PLXDC2: variants seen among roughly 807,000 people sequenced by gnomAD.
The protein encoded by PLXDC2 is plexin domain containing 2, also known as plexin domain-containing protein 2.
A neutral mutation model predicts 68.9 loss-of-function variants in PLXDC2; 40 were observed. The ratio of observed to expected loss-of-function variants is 0.58; its 90% CI spans 0.45 to 0.76. The LOEUF is 0.76. Ranked by LOEUF, PLXDC2 falls within the 30% of genes least tolerant of loss-of-function variation. PLXDC2 has a pLI of 0.00. For synonymous variants in PLXDC2, 243 were observed against 234.2 expected, an observed-to-expected ratio of 1.04 and a Z score of -0.34; for missense variants, 644 against 661.9, an observed-to-expected ratio of 0.97 and a Z score of 0.30.
chr10:20,264,024 T>C (rs2778969), intron 13 of PLXDC2, among the ~76,000 whole-genome samples: 130,117 of 152,140 alleles, frequency 0.86, 56,108 homozygotes, highest in Middle Eastern at 0.94. Flanking sequence ...CAAATGTTCA[T>C]TGCAGCACTG....
intron 4 of PLXDC2, among the ~76,000 whole-genome samples, chr10:20,078,227 T>A (rs1263297214): frequency 6.6e-6 from 1 of 151,354 alleles, no homozygotes; most frequent in Non-Finnish European, 1.5e-5. Flanking sequence ...AAAAAAAAAA[T>A]TAAAAATTAG....
chr10:20,119,726 C>T (rs1019824402), intron 4 of PLXDC2, among the ~76,000 whole-genome samples: 5 of 151,716 alleles, frequency 3.3e-5, no homozygotes, highest in African/African-American at 9.7e-5. Flanking sequence ...CTGCTTCGAG[C>T]GGGATTAGGG....
chr10:19,876,926 A>G (rs1837643317), intron 1 of PLXDC2, among the ~76,000 whole-genome samples: 1 of 152,220 alleles, frequency 6.6e-6, no homozygotes, highest in Non-Finnish European at 1.5e-5. Context: ...AAAAACTCGT[A>G]CAAAAACGTA....
chr10:20,257,869 T>C (rs1835761388), intron 13 of PLXDC2, among the ~76,000 whole-genome samples: 1 of 152,096 alleles, frequency 6.6e-6, no homozygotes. Flanking sequence ...CTAACAAATT[T>C]CTTAAATTTT....
chr10:20,193,804 C>T (rs553664277), intron 9 of PLXDC2, among the ~76,000 whole-genome samples: 1 of 152,040 alleles, frequency 6.6e-6, no homozygotes, highest in African/African-American at 2.4e-5. Context: ...TTTGTGCTGT[C>T]TTTAATAAGA....
intron 4 of PLXDC2, among the ~76,000 whole-genome samples, chr10:20,132,309 G>A (rs1306985389): frequency 6.6e-6 from 1 of 152,140 alleles, no homozygotes; most frequent in Non-Finnish European, 1.5e-5. Context: ...TGTAAAGAAT[G>A]TATATTCTGC....
intron 1 of PLXDC2, among the ~76,000 whole-genome samples, chr10:19,817,851 C>T (rs1011157688): frequency 1.3e-5 from 2 of 152,344 alleles, no homozygotes; most frequent in African/African-American, 4.8e-5. Context: ...ACAGACAGGC[C>T]TGAACGCGCA....
At chr10:20,276,819 T>C (rs868179716) in intron 13 of PLXDC2, among the ~76,000 whole-genome samples, 4 of 152,158 alleles carry the variant, frequency 2.6e-5, no homozygotes, top group Admixed American at 6.6e-5. Flanking sequence ...GTGACAGGGC[T>C]GGACATGAGG....
chr10:19,968,369 G>A (rs1589561718), intron 1 of PLXDC2, among the ~76,000 whole-genome samples: 1 of 152,300 alleles, frequency 6.6e-6, no homozygotes, highest in African/African-American at 2.4e-5. Context: ...CTGGAGTGCA[G>A]TGGCACGATC....
intron 1 of PLXDC2, among the ~76,000 whole-genome samples, chr10:19,876,320 C>G (rs11011654): frequency 6.6e-6 from 1 of 152,092 alleles, no homozygotes; most frequent in Non-Finnish European, 1.5e-5. Flanking sequence ...GGATCTTTTT[C>G]TCAGCTTGAT....
chr10:20,082,070 A>AAAAAAAAAAAAAAAAAAAAAAC (rs1554765383), intron 4 of PLXDC2, among the ~76,000 whole-genome samples: 3 of 121,932 alleles, frequency 2.5e-5, no homozygotes, highest in Non-Finnish European at 3.5e-5. Flanking sequence ...AAATCAAAAA[A>AAAAAAAAAAAAAAAAAAAAAAC]AAAAAACAGG....
chr10:20,106,635 T>A (rs1156360474), intron 4 of PLXDC2, among the ~76,000 whole-genome samples: 1 of 152,134 alleles, frequency 6.6e-6, no homozygotes, highest in Non-Finnish European at 1.5e-5. Flanking sequence ...AGCCATATTC[T>A]TTATCATCTC....
chr10:20,250,066 G>A (rs371797412), intron 13 of PLXDC2, among the ~76,000 whole-genome samples: 1 of 152,018 alleles, frequency 6.6e-6, no homozygotes, highest in African/African-American at 2.4e-5. Flanking sequence ...TCCGGAGTTC[G>A]AGACCAGTTT....
chr10:20,130,003 G>A (rs891894531), intron 4 of PLXDC2, among the ~76,000 whole-genome samples: 1 of 151,682 alleles, frequency 6.6e-6, no homozygotes, highest in Non-Finnish European at 1.5e-5. Context: ...GGCCTTTTGT[G>A]GTTCCATATG....
chr10:20,138,621 A>C (rs1833963171), intron 4 of PLXDC2, among the ~76,000 whole-genome samples: 4 of 152,210 alleles, frequency 2.6e-5, no homozygotes, highest in Non-Finnish European at 5.9e-5. Context: ...CAACAAAGAA[A>C]ATACATGAAG....
chr10:19,957,171 A>G (rs992075564), intron 1 of PLXDC2, among the ~76,000 whole-genome samples: 3 of 152,152 alleles, frequency 2.0e-5, no homozygotes, highest in East Asian at 1.9e-4. Flanking sequence ...ACTTACTTCC[A>G]TCTCTCATTC....
chr10:20,005,437 A>G (rs1054168673), intron 2 of PLXDC2, among the ~76,000 whole-genome samples: 1 of 152,130 alleles, frequency 6.6e-6, no homozygotes, highest in Non-Finnish European at 1.5e-5. Context: ...ACAAAAATCT[A>G]CCTCTGAAAG....
intron 9 of PLXDC2, 111 bp downstream of exon 9, chr10:20,177,520 C>A (rs1173836361): frequency 6.9e-6 from 3 of 434,586 alleles, no homozygotes; most frequent in African/African-American, 2.1e-5. Flanking sequence ...GTAATCCCAG[C>A]ACTTTGAGAG....
intron 1 of PLXDC2, among the ~76,000 whole-genome samples, chr10:19,823,532 A>C (rs1041618747): frequency 6.6e-6 from 1 of 151,920 alleles, no homozygotes; most frequent in African/African-American, 2.4e-5. Flanking sequence ...AAATAAAAAA[A>C]ATTAGCCAGG....
Sources: gnomAD v4.1 joint callset for allele counts (sites outside exome capture counted in the v4.1 genomes callset) on GRCh38, gnomAD v4.1.1 for gene constraint, MANE v1.5 for transcripts, NCBI Gene and HGNC (gene_info 2026-07-23, HGNC 2026-07-21) for gene names.